Variants in AOX1 observed in about 807,000 individuals in gnomAD.
AOX1 encodes aldehyde oxidase 1.
AOX1 carries 153 observed loss-of-function variants against 169.5 expected under a neutral mutation model. That is an observed-to-expected ratio of 0.90 (90% confidence interval 0.79 to 1.03). AOX1 has a LOEUF of 1.03. Among genes scored for constraint, AOX1 ranks in the 50% least tolerant of loss-of-function variants. The pLI is 0.00. For missense variants in AOX1, 1,656 were observed against 1,663.9 expected, an observed-to-expected ratio of 1.00 and a Z score of 0.08; for synonymous variants, 562 against 581.9, an observed-to-expected ratio of 0.97 and a Z score of 0.49.
rs142230684 is a variant in AOX1 at position 200,634,805 on chromosome 2, G to A, written c.2236G>A (p.Gly746Arg). ...TCCTGTAACAGGTGAAATACATATG[G>A]GAGGTCAAGAACATTTTTATATGGA... The part of the protein sequence containing the change: ...DQILEGEIHM[G>R]GQEHFYMETQ... Residue 746 changes from glycine (G) to arginine (R), a missense_variant, in exon 21 of 35, where the codon GGA (glycine) becomes AGA (arginine). Transcript: ENST00000374700. The A allele has an allele frequency of 1.2e-6, 2 of 1,613,932 alleles. No individual in the cohort carries two copies. The highest frequency in any genetic ancestry group is 2.2e-5 in the East Asian group (1 of 44,842).
At chr2:200,632,722 C>G (rs2035152546) in intron 20 of AOX1, among the ~76,000 whole-genome samples, 1 of 151,852 alleles carries the variant, frequency 6.6e-6, no homozygotes, top group African/African-American at 2.4e-5. Flanking sequence ...CTTAGTTTTC[C>G]TTCATCTGAA....
At chr2:200,617,369 C>T (rs2034782661) in intron 16 of AOX1, among the ~76,000 whole-genome samples, 1 of 151,296 alleles carries the variant, frequency 6.6e-6, no homozygotes, top group Non-Finnish European at 1.5e-5. Flanking sequence ...CAAAAGATCA[C>T]CAGTTTGAGG....
At chr2:200,617,912 C>A (rs2034799121) in intron 16 of AOX1, among the ~76,000 whole-genome samples, 1 of 152,068 alleles carries the variant, frequency 6.6e-6, no homozygotes, top group Non-Finnish European at 1.5e-5. Flanking sequence ...CTGGTAGAAC[C>A]TCATTGTTGG....
At chr2:200,672,447 C>T (rs975056411), downstream of AOX1, among the ~76,000 whole-genome samples, 6 of 152,184 alleles carry the variant, frequency 3.9e-5, no homozygotes, top group Admixed American at 2.0e-4. Flanking sequence ...CAAGGAAAAA[C>T]GCCATTTCCG....
intron 21 of AOX1, among the ~76,000 whole-genome samples, chr2:200,636,192 C>T (rs941601218): frequency 5.8e-5 from 8 of 137,482 alleles, no homozygotes; most frequent in Middle Eastern, 3.9e-3. Context: ...GCAGTGGTGC[C>T]GTCTCAGCTC....
At chr2:200,599,376 G>A (rs368165774) in intron 4 of AOX1, among the ~76,000 whole-genome samples, 4 of 152,142 alleles carry the variant, frequency 2.6e-5, no homozygotes, top group East Asian at 1.9e-4. Flanking sequence ...AACACTGTCC[G>A]GGTGATTCTC....
intron 20 of AOX1, 73 bp from the exon 21 acceptor site, chr2:200,634,718 G>A (rs952727625): frequency 1.0e-5 from 16 of 1,574,534 alleles, no homozygotes; most frequent in African/African-American, 5.4e-5. Flanking sequence ...TCTGCATAAC[G>A]GGATAATACC....
intron 14 of AOX1, among the ~76,000 whole-genome samples, chr2:200,613,209 C>G (rs1441891965): frequency 1.3e-5 from 2 of 152,148 alleles, no homozygotes; most frequent in African/African-American, 4.8e-5. Flanking sequence ...ACACTAATAG[C>G]TAATATTTCT....
chr2:200,659,221 C>T lies in AOX1; in HGVS notation c.3228C>T (p.Ser1076=), dbSNP rs762138978. Reference sequence around the variant, plus strand: ...CGAATGTCCACCTGCGTGGAACAAGCACAGAAACTGTCCCTAATGCAAATA... The same window carrying T: ...CGAATGTCCACCTGCGTGGAACAAGTACAGAAACTGTCCCTAATGCAAATA... The part of the protein sequence containing the change: ...PMSNVHLRGT[S]TETVPNANIS... Residue 1076 remains serine (S), a synonymous_variant, in exon 28 of 35, where the codon AGC becomes AGT. Transcript: ENST00000374700. 3.7e-6 allele frequency: 6 copies of T among 1,613,838 alleles called. No homozygotes were observed. In the African/African-American group the frequency reaches 6.7e-5, roughly 18 times the overall value.
chr2:200,621,332 C>T (rs958395881), intron 18 of AOX1, 86 bp downstream of exon 18: 82 of 1,444,564 alleles, frequency 5.7e-5, no homozygotes, highest in Non-Finnish European at 7.5e-5. Context: ...TCTACTTTGG[C>T]ACACCATGAA....
chr2:200,653,728 T>A (rs1250236565), intron 26 of AOX1, among the ~76,000 whole-genome samples: 1 of 152,216 alleles, frequency 6.6e-6, no homozygotes, highest in African/African-American at 2.4e-5. Context: ...AGATGCTGCA[T>A]TTTTTACAAA....
chr2:200,605,915 T>C (rs2105701439), intron 10 of AOX1, among the ~76,000 whole-genome samples: 1 of 152,328 alleles, frequency 6.6e-6, no homozygotes. Flanking sequence ...TTGCAAAACT[T>C]TTCTCGCATT....
chr2:200,629,191 C>T (rs1246406935), intron 20 of AOX1, among the ~76,000 whole-genome samples: 2 of 152,210 alleles, frequency 1.3e-5, no homozygotes, highest in South Asian at 4.1e-4. Context: ...ACACCTGGAA[C>T]TGTCACCTAC....
intron 19 of AOX1, among the ~76,000 whole-genome samples, chr2:200,624,872 G>A (rs932088911): frequency 1.3e-5 from 2 of 152,110 alleles, no homozygotes; most frequent in Non-Finnish European, 2.9e-5. Flanking sequence ...CATACAGGCC[G>A]CATGTGCTCT....
At chr2:200,608,798 C>A (rs1297252452) in intron 10 of AOX1, among the ~76,000 whole-genome samples, 186 bp from the exon 11 acceptor site, 1 of 152,108 alleles carries the variant, frequency 6.6e-6, no homozygotes, top group Non-Finnish European at 1.5e-5. Flanking sequence ...CATCGCCTCA[C>A]CACCACTTTC....
At chr2:200,674,307 C>G (rs559918513), downstream of AOX1, among the ~76,000 whole-genome samples, 163 of 152,198 alleles carry the variant, frequency 1.1e-3, no homozygotes, top group Middle Eastern at 3.4e-3. Context: ...GGAAATTTTC[C>G]CAATAGGCAG....
chr2:200,656,990 A>G, intron 27 of AOX1, 53 bp downstream of exon 27: 1 of 1,226,980 alleles, frequency 8.2e-7, no homozygotes, highest in Non-Finnish European at 1.1e-6. Context: ...AGATCTGTTC[A>G]TGAGAGAAAA....
chr2:200,607,342 G>A lies in AOX1; in HGVS notation c.908-1642G>A, dbSNP rs149920906. On this transcript the variant is annotated intron_variant, in intron 10 of 34. Coordinates refer to ENST00000374700, the MANE Select transcript of AOX1 (RefSeq NM_001159.4). The stretch of plus-strand genomic sequence containing the variant: ...TCCCTGGGATGAAGCCAACTTGATC[G>A]TGGTGGATAAGCTTTTCGATGTGCT... 1.7e-3 allele frequency among the ~76,000 whole-genome samples: 262 copies of A among 152,214 alleles called. 2 individuals are homozygous for A. The highest frequency in any genetic ancestry group is 5.8e-3 in the African/African-American group (242 of 41,542).
chr2:200,635,837 G>C (rs2035218554), intron 21 of AOX1, among the ~76,000 whole-genome samples: 2 of 152,154 alleles, frequency 1.3e-5, no homozygotes, highest in Admixed American at 6.5e-5. Flanking sequence ...AGTGCTCTTA[G>C]CAGAGGAGTA....
Sources: allele counts gnomAD v4.1 joint callset (sites outside exome capture counted in the v4.1 genomes callset), GRCh38; gene constraint gnomAD v4.1.1; transcripts MANE v1.5; gene names NCBI Gene and HGNC (gene_info 2026-07-23, HGNC 2026-07-21).